KCNMB2: variants seen among roughly 807,000 people sequenced by gnomAD.
The protein encoded by KCNMB2 is calcium-activated potassium channel subunit beta-2.
Under a neutral mutation model 24.5 loss-of-function variants are expected in KCNMB2, and 9 were observed. That is an observed-to-expected ratio of 0.37 (90% CI 0.22 to 0.64). The LOEUF (loss-of-function observed/expected upper bound fraction) is 0.64, where lower values mean the gene tolerates loss of function less well. Among genes scored for constraint, KCNMB2 ranks in the 30% least tolerant of loss-of-function variants. The pLI is 0.63. For missense variants in KCNMB2, 226 were observed against 284.3 expected (o/e 0.79, Z 1.47); for synonymous variants, 109 against 104.4 (o/e 1.04, Z -0.27).
intron 1 of KCNMB2, among the ~76,000 whole-genome samples, chr3:178,706,828 A>G (rs775351405): frequency 1.3e-5 from 2 of 152,172 alleles, no homozygotes; most frequent in African/African-American, 2.4e-5. Flanking sequence ...GAAGCTTTAC[A>G]GTTAGCTTGA....
Position 178,682,385 on chromosome 3 carries a change from G to T in KCNMB2, c.-67-124958G>T, listed in dbSNP as rs993501085. ...TTCTCCTTGCAAATTTTTCTAAGCT[G>T]CCACAATCACAAGAACATAATCCTC... On this transcript the variant is annotated intron_variant, in intron 1 of 4. Coordinates refer to ENST00000452583, the MANE Select transcript of KCNMB2 (RefSeq NM_181361.3). Among the ~76,000 whole-genome samples, 73 of 151,836 alleles carry T rather than the reference G, an allele frequency of 4.8e-4. 1 individual carries two copies. The highest frequency in any genetic ancestry group is 1.7e-3 in the African/African-American group (72 of 41,318).
intron 2 of KCNMB2, among the ~76,000 whole-genome samples, chr3:178,814,774 G>T (rs934098852): frequency 6.6e-6 from 1 of 151,598 alleles, no homozygotes; most frequent in Non-Finnish European, 1.5e-5. Flanking sequence ...TCTTTTTTTT[G>T]AGAAGTGTCT....
chr3:178,682,910 A>T (rs1476383968), intron 1 of KCNMB2, among the ~76,000 whole-genome samples: 1 of 152,182 alleles, frequency 6.6e-6, no homozygotes, highest in Non-Finnish European at 1.5e-5. Flanking sequence ...GGAAATGCCT[A>T]TACACTGTTG....
At chr3:178,814,436 A>C (rs1010651118) in intron 2 of KCNMB2, among the ~76,000 whole-genome samples, 1 of 152,226 alleles carries the variant, frequency 6.6e-6, no homozygotes, top group Non-Finnish European at 1.5e-5. Flanking sequence ...ATATGAGTGC[A>C]GATATTCTTT....
In KCNMB2 at chr3:178,785,586, G is replaced by T. The variant is rs547226985; in HGVS notation, c.-67-21757G>T. Among the ~76,000 whole-genome samples, 335 of 152,046 alleles carry T rather than the reference G, an allele frequency of 2.2e-3. 2 individuals are homozygous for T. The highest frequency in any genetic ancestry group is 7.6e-3 in the African/African-American group (316 of 41,512). On this transcript the variant is annotated intron_variant, in intron 1 of 4. Transcript: ENST00000452583. ...TATAATATTAAAAAAGCACAATAGT[G>T]GTTATCCCTGGAAAGTAAGTAGAGA...
intron 1 of KCNMB2, among the ~76,000 whole-genome samples, chr3:178,803,947 A>G (rs1021790724): frequency 1.3e-5 from 2 of 152,166 alleles, no homozygotes; most frequent in Admixed American, 6.6e-5. Flanking sequence ...GGCTGAGATT[A>G]TATCTTTAAG....
intron 1 of KCNMB2, among the ~76,000 whole-genome samples, chr3:178,792,875 T>A (rs953102187): frequency 1.3e-5 from 2 of 152,248 alleles, no homozygotes; most frequent in Admixed American, 1.3e-4. Context: ...GCCCTCTCAA[T>A]AGTGCCTGCA....
chr3:178,828,985 T>C (rs940078539), intron 4 of KCNMB2, among the ~76,000 whole-genome samples: 25 of 151,452 alleles, frequency 1.7e-4, no homozygotes, highest in African/African-American at 5.6e-4. Context: ...TCTTCACATA[T>C]GTTATATTCA....
In KCNMB2 at chr3:178,825,707, T is replaced by C; in HGVS notation, c.176T>C (p.Ile59Thr). Reference sequence around the variant, plus strand: ...GGACTGGCTATGATGGTGTGCTCCATCATGATGTATTTTCTGCTGGGAATC... The same window carrying C: ...GGACTGGCTATGATGGTGTGCTCCACCATGATGTATTTTCTGCTGGGAATC... Reference protein sequence around the residue: ...LLGLAMMVCSIMMYFLLGITL... With the variant: ...LLGLAMMVCSTMMYFLLGITL... The change falls in exon 3 of 5, where the codon ATC becomes ACC. Residue 59 changes from isoleucine (I) to threonine (T), a missense_variant. Physicochemically the swap from Ile to Thr is moderately conservative, Grantham distance 89. Transcript: ENST00000452583. 1 of 1,613,908 alleles carries C rather than the reference T, an allele frequency of 6.2e-7. No homozygotes were observed. Among genetic ancestry groups the C allele is most frequent in the Non-Finnish European group, 8.5e-7 (1 of 1,179,882 alleles).
At chr3:178,611,863 T>C (rs911340411) in intron 1 of KCNMB2, among the ~76,000 whole-genome samples, 4 of 152,180 alleles carry the variant, frequency 2.6e-5, no homozygotes, top group Non-Finnish European at 5.9e-5. Flanking sequence ...TTGAAGTTTC[T>C]TCTCTTTTTT....
chr3:178,630,895 A>T (rs1719296303), intron 1 of KCNMB2, among the ~76,000 whole-genome samples: 1 of 152,224 alleles, frequency 6.6e-6, no homozygotes, highest in Non-Finnish European at 1.5e-5. Context: ...AGAAAATGTT[A>T]TCCAAGCCTA....
chr3:178,600,212 A>G (rs1718029645), intron 1 of KCNMB2, among the ~76,000 whole-genome samples: 1 of 152,140 alleles, frequency 6.6e-6, no homozygotes, highest in Admixed American at 6.6e-5. Context: ...TAATGTCCTC[A>G]AGATTTATTC....
chr3:178,627,868 A>C (rs1203858074), intron 1 of KCNMB2, among the ~76,000 whole-genome samples: 3 of 152,180 alleles, frequency 2.0e-5, no homozygotes, highest in Non-Finnish European at 4.4e-5. Flanking sequence ...TGATTTTCCA[A>C]AGAAGAGCAA....
At chr3:178,540,398 T>G (rs1039420949) in intron 1 of KCNMB2, among the ~76,000 whole-genome samples, 1 of 152,196 alleles carries the variant, frequency 6.6e-6, no homozygotes, top group Non-Finnish European at 1.5e-5. Context: ...TACCCAACAC[T>G]GGTGGTCATT....
intron 1 of KCNMB2, among the ~76,000 whole-genome samples, chr3:178,591,512 G>A (rs868741537): frequency 2.0e-5 from 3 of 152,070 alleles, no homozygotes; most frequent in Non-Finnish European, 4.4e-5. Context: ...AGCACTCCCC[G>A]TCTCTCATTG....
At position 178,588,469 on chromosome 3, in the gene KCNMB2, T is replaced by G. The variant is rs376984971; in HGVS notation, c.-68+51758T>G. 7.2e-5 allele frequency among the ~76,000 whole-genome samples: 11 copies of G among 152,272 alleles called. 1 individual carries two copies. Among genetic ancestry groups the G allele is most frequent in the African/African-American group, 2.6e-4 (11 of 41,554 alleles). On this transcript the variant is annotated intron_variant, in intron 1 of 4. Coordinates refer to ENST00000452583, the MANE Select transcript of KCNMB2 (RefSeq NM_181361.3). Reference sequence around the variant, plus strand: ...CTTCATTTACTTCTCACCTGTGTCGTGTCTATATATTCCTCTACAGAAGCA... The same window carrying G: ...CTTCATTTACTTCTCACCTGTGTCGGGTCTATATATTCCTCTACAGAAGCA...
At chr3:178,628,866 T>C (rs1055807966) in intron 1 of KCNMB2, among the ~76,000 whole-genome samples, 2 of 152,160 alleles carry the variant, frequency 1.3e-5, no homozygotes, top group Non-Finnish European at 2.9e-5. Flanking sequence ...ATTATATTTA[T>C]ATCTAAGAAA....
chr3:178,675,914 T>C (rs2108588248), intron 1 of KCNMB2, among the ~76,000 whole-genome samples: 1 of 152,352 alleles, frequency 6.6e-6, no homozygotes, highest in East Asian at 1.9e-4. Context: ...TATTCTGTGT[T>C]GGGTCTGTTA....
chr3:178,814,656 T>C (rs548919690), intron 2 of KCNMB2, among the ~76,000 whole-genome samples: 1 of 152,316 alleles, frequency 6.6e-6, no homozygotes, highest in South Asian at 2.1e-4. Context: ...ATTTTTGGCT[T>C]TTTAATAATA....
Sources: gnomAD v4.1 joint callset for allele counts (sites outside exome capture counted in the v4.1 genomes callset) on GRCh38, gnomAD v4.1.1 for gene constraint, MANE v1.5 for transcripts, NCBI Gene and HGNC (gene_info 2026-07-23, HGNC 2026-07-21) for gene names.